The following FAM13C variants were observed in gnomAD, a reference collection of about 807,000 sequenced individuals.
FAM13C encodes protein FAM13C.
A neutral mutation model predicts 73.2 loss-of-function variants in FAM13C; 37 were observed. The ratio of observed to expected loss-of-function variants is 0.51; its 90% CI spans 0.39 to 0.67. The LOEUF (loss-of-function observed/expected upper bound fraction) is 0.67. Among genes scored for constraint, FAM13C ranks in the 30% least tolerant of loss-of-function variants. FAM13C has a pLI of 0.00. For synonymous variants in FAM13C, 246 were observed against 260.9 expected (o/e 0.94, Z 0.55); for missense variants, 589 against 715.6 (o/e 0.82, Z 2.02).
chr10:59,329,140 C>T (rs1269382478), intron 3 of FAM13C, among the ~76,000 whole-genome samples: 1 of 151,980 alleles, frequency 6.6e-6, no homozygotes, highest in Non-Finnish European at 1.5e-5. Context: ...TTAAAATTTT[C>T]TGGCCCTTTA....
At chr10:59,299,790 C>T (rs1847346742) in intron 5 of FAM13C, among the ~76,000 whole-genome samples, 1 of 151,762 alleles carries the variant, frequency 6.6e-6, no homozygotes, top group Non-Finnish European at 1.5e-5. Flanking sequence ...AGATCCTAAC[C>T]CCCAAAATCT....
At chr10:59,352,869 G>T (rs1460455970) in intron 2 of FAM13C, among the ~76,000 whole-genome samples, 11 of 152,066 alleles carry the variant, frequency 7.2e-5, no homozygotes, top group Admixed American at 7.2e-4. Flanking sequence ...TAAATCACAC[G>T]CCTAATGGAA....
intron 3 of FAM13C, among the ~76,000 whole-genome samples, chr10:59,343,119 G>C (rs962537512): frequency 5.3e-5 from 8 of 152,188 alleles, no homozygotes; most frequent in Admixed American, 2.6e-4. Context: ...TATAGCGAGA[G>C]CAAGACCACG....
intron 4 of FAM13C, among the ~76,000 whole-genome samples, chr10:59,321,432 CTTTTTTTTTTTTTTT>C (rs1057110939): frequency 1.4e-4 from 8 of 58,060 alleles, no homozygotes; most frequent in Non-Finnish European, 2.8e-4. Flanking sequence ...CTGCCAACAC[CTTTTTTTTTTTTTTT>C]TTTTTTTTTT....
At chr10:59,288,524 A>G (rs1448502140) in intron 5 of FAM13C, among the ~76,000 whole-genome samples, 1 of 152,154 alleles carries the variant, frequency 6.6e-6, no homozygotes, top group East Asian at 1.9e-4. Flanking sequence ...GTTCTCATCC[A>G]TCTTCCTCTG....
intron 3 of FAM13C, among the ~76,000 whole-genome samples, chr10:59,343,176 T>C (rs1436299566): frequency 6.6e-6 from 1 of 152,210 alleles, no homozygotes; most frequent in Admixed American, 6.5e-5. Flanking sequence ...GAAGTTTCAT[T>C]TGGAAGAAAA....
At chr10:59,278,518 T>C (rs1346906754) in intron 6 of FAM13C, among the ~76,000 whole-genome samples, 1 of 152,186 alleles carries the variant, frequency 6.6e-6, no homozygotes, top group African/African-American at 2.4e-5. Context: ...GATAATTCTT[T>C]GATGAGGGAG....
intron 1 of FAM13C, chr10:59,361,231 T>A (rs1856375326): frequency 4.0e-6 from 2 of 502,574 alleles, no homozygotes; most frequent in Admixed American, 3.6e-5. Context: ...TTTAAGTGAC[T>A]CCACTTAAGT....
At chr10:59,279,531 C>G (rs1015589267) in intron 6 of FAM13C, among the ~76,000 whole-genome samples, 39 of 152,184 alleles carry the variant, frequency 2.6e-4, no homozygotes, top group African/African-American at 9.4e-4. Flanking sequence ...TGCAGTTATT[C>G]TGGTGACAGT....
chr10:59,286,213 G>T (rs899513851), intron 5 of FAM13C, among the ~76,000 whole-genome samples: 1 of 152,234 alleles, frequency 6.6e-6, no homozygotes, highest in Admixed American at 6.5e-5. Context: ...AAGATATTTA[G>T]AGTAGTAAAA....
intron 4 of FAM13C, among the ~76,000 whole-genome samples, chr10:59,307,329 G>A (rs1324653266): frequency 1.3e-5 from 2 of 152,124 alleles, no homozygotes; most frequent in Admixed American, 6.5e-5. Flanking sequence ...GCTAGGCAAC[G>A]TACCTAGAAG....
rs920880198 is a variant in FAM13C at position 59,327,458 on chromosome 10, C to A, written c.325-3352G>T. ...CTTCCTTGGTAAGCCCATTTCTCTG[C>A]TCCAGTTGGACTCCACCACCTGGTG... On this transcript the variant is annotated intron_variant, in intron 3 of 13. Coordinates refer to ENST00000618804, the MANE Select transcript of FAM13C (RefSeq NM_198215.4). 4.6e-5 allele frequency among the ~76,000 whole-genome samples: 7 copies of A among 152,278 alleles called. No homozygotes were observed. The East Asian group carries it at 9.7e-4, about 21-fold the overall frequency.
intron 3 of FAM13C, among the ~76,000 whole-genome samples, chr10:59,329,331 CT>C (rs963880874): frequency 1.2e-5 from 1 of 81,464 alleles, no homozygotes; most frequent in African/African-American, 3.6e-5. Flanking sequence ...TTCTTTTTTT[CT>C]TTCTTTCTGG....
At chr10:59,351,862 G>GGTGT (rs1855085077) in intron 3 of FAM13C, among the ~76,000 whole-genome samples, 1 of 152,104 alleles carries the variant, frequency 6.6e-6, no homozygotes. Context: ...CAGGCATGGT[G>GGTGT]GCAGGCGCCT....
At chr10:59,275,106 T>G (rs1241705644) in intron 6 of FAM13C, among the ~76,000 whole-genome samples, 1 of 152,224 alleles carries the variant, frequency 6.6e-6, no homozygotes, top group Non-Finnish European at 1.5e-5. Context: ...TTTTCATTTA[T>G]GAGCAGAAGC....
intron 3 of FAM13C, among the ~76,000 whole-genome samples, chr10:59,350,470 G>GT (rs999222860): frequency 5.3e-5 from 8 of 152,182 alleles, no homozygotes; most frequent in Non-Finnish European, 1.2e-4. Context: ...AGTCAGACCT[G>GT]GGGGCAGCCT....
At chr10:59,264,216 G>C (rs1589380951) in intron 8 of FAM13C, 50 bp from the exon 9 acceptor site, 1 of 1,224,582 alleles carries the variant, frequency 8.2e-7, no homozygotes, top group Non-Finnish European at 1.2e-6. Flanking sequence ...AGGAGGGAGA[G>C]GGTGGGGGAG....
At chr10:59,335,667 C>G (rs1185401420) in intron 3 of FAM13C, among the ~76,000 whole-genome samples, 1 of 152,150 alleles carries the variant, frequency 6.6e-6, no homozygotes, top group Non-Finnish European at 1.5e-5. Flanking sequence ...ACATCACTTC[C>G]CTAAGTTCAA....
chr10:59,269,882 CA>C lies in FAM13C; in HGVS notation c.803+16del. The C allele has an allele frequency of 6.2e-7, 1 of 1,612,546 alleles. No individual in the cohort carries two copies. The highest frequency in any genetic ancestry group is 1.1e-5 in the South Asian group (1 of 90,890). ...AAACTGTATGAAATGAAGACAATAA[CA>C]AAACAGTTTTCTCACATCATAAACT... On this transcript the variant is annotated intron_variant, in intron 7 of 13. Coordinates refer to ENST00000618804, the MANE Select transcript of FAM13C (RefSeq NM_198215.4).
Sources: allele counts gnomAD v4.1 joint callset (sites outside exome capture counted in the v4.1 genomes callset), GRCh38; gene constraint gnomAD v4.1.1; transcripts MANE v1.5; gene names NCBI Gene and HGNC (gene_info 2026-07-23, HGNC 2026-07-21).